RBFOX1: variants seen among roughly 807,000 people sequenced by gnomAD.
RBFOX1 encodes the protein RNA binding fox-1 homolog 1.
Under a neutral mutation model 57.7 loss-of-function variants are expected in RBFOX1, and 8 were observed. The ratio of observed to expected loss-of-function variants is 0.14; its 90% confidence interval spans 0.08 to 0.25. The LOEUF (loss-of-function observed/expected upper bound fraction) is 0.25. Ranked by LOEUF, RBFOX1 falls within the 10% of genes least tolerant of loss-of-function variation. The probability of loss-of-function intolerance (pLI) is 1.00; values close to 1 mark genes in which losing one functional copy is unlikely to be tolerated. For missense variants in RBFOX1, 611 were observed against 548.5 expected (o/e 1.11, Z -1.14); for synonymous variants, 326 against 222.4 (o/e 1.47, Z -4.15).
rs984561974 is a variant in RBFOX1 at position 5,780,277 on chromosome 16, C to G, written c.319-87026C>G. Among the ~76,000 whole-genome samples, 5 of 152,364 alleles carry G rather than the reference C, an allele frequency of 3.3e-5. No individual in the cohort carries two copies. The South Asian group carries it at 6.2e-4, about 19-fold the overall frequency. On this transcript the variant is annotated intron_variant, in intron 3 of 19. Transcript: ENST00000641259. ...TCTGCCTCCCAAAGTGTTCGGATTACAGGCGTGTGCCATTGCACCCAGCCT... is the reference window on the plus strand; with the variant it reads ...TCTGCCTCCCAAAGTGTTCGGATTAGAGGCGTGTGCCATTGCACCCAGCCT...
intron 3 of RBFOX1, among the ~76,000 whole-genome samples, chr16:5,612,324 C>A (rs533550462): frequency 6.6e-6 from 1 of 151,944 alleles, no homozygotes; most frequent in East Asian, 2.0e-4. Flanking sequence ...TACTCATCCA[C>A]CTATCCACCA....
At chr16:5,927,076 A>G (rs1027018572) in intron 4 of RBFOX1, among the ~76,000 whole-genome samples, 2 of 152,160 alleles carry the variant, frequency 1.3e-5, no homozygotes, top group African/African-American at 2.4e-5. Context: ...ATATTTTTAT[A>G]CCCTAGCTCT....
At chr16:5,662,795 C>T (rs2049700055) in intron 3 of RBFOX1, among the ~76,000 whole-genome samples, 3 of 152,214 alleles carry the variant, frequency 2.0e-5, no homozygotes, top group South Asian at 4.1e-4. Flanking sequence ...GTTTAGTCCC[C>T]TCCACTTCTA....
At chr16:7,474,133 A>G (rs904451956) in intron 4 of RBFOX1, among the ~76,000 whole-genome samples, 55 of 152,174 alleles carry the variant, frequency 3.6e-4, no homozygotes, top group African/African-American at 1.2e-3. Context: ...CTAAAAATAC[A>G]AAAATTAGCC....
At chr16:5,820,426 G>A (rs898409051) in intron 3 of RBFOX1, among the ~76,000 whole-genome samples, 3 of 152,142 alleles carry the variant, frequency 2.0e-5, no homozygotes, top group Non-Finnish European at 2.9e-5. Flanking sequence ...CGGTGACCCC[G>A]GCCACGTGGC....
At chr16:6,065,956 T>C (rs1413920355) in intron 1 of RBFOX1, among the ~76,000 whole-genome samples, 2 of 152,168 alleles carry the variant, frequency 1.3e-5, no homozygotes, top group African/African-American at 4.8e-5. Context: ...ATTTGGAAAG[T>C]GCGCTAAGCA....
chr16:6,132,848 A>C (rs1156417981), intron 1 of RBFOX1, among the ~76,000 whole-genome samples: 4 of 151,722 alleles, frequency 2.6e-5, no homozygotes, highest in African/African-American at 7.3e-5. Context: ...TTAGCTGGGC[A>C]TGGTGGCGCA....
chr16:6,009,957 C>G (rs917572008), intron 4 of RBFOX1, among the ~76,000 whole-genome samples: 1 of 152,120 alleles, frequency 6.6e-6, no homozygotes, highest in Non-Finnish European at 1.5e-5. Flanking sequence ...ACATACACTG[C>G]AGTTGGACAG....
intron 2 of RBFOX1, among the ~76,000 whole-genome samples, chr16:6,462,968 C>T (rs1051041189): frequency 6.6e-6 from 1 of 152,130 alleles, no homozygotes; most frequent in African/African-American, 2.4e-5. Flanking sequence ...AAGCTGTTCA[C>T]CTTAGCTTGT....
intron 1 of RBFOX1, among the ~76,000 whole-genome samples, chr16:5,412,364 T>C (rs1030297367): frequency 1.3e-5 from 2 of 152,234 alleles, no homozygotes; most frequent in African/African-American, 4.8e-5. Context: ...CAACAAATAT[T>C]AGTTATTGTT....
At chr16:6,214,928 GGGAGAGGGAC>G (rs2097325085) in intron 1 of RBFOX1, among the ~76,000 whole-genome samples, 1 of 137,412 alleles carries the variant, frequency 7.3e-6, no homozygotes, top group Non-Finnish European at 1.6e-5. Flanking sequence ...GAGAGGGAGA[GGGAGAGGGAC>G]AGGGAGAGAG....
At chr16:6,910,350 C>G (rs970779132) in intron 3 of RBFOX1, among the ~76,000 whole-genome samples, 1 of 152,178 alleles carries the variant, frequency 6.6e-6, no homozygotes, top group Non-Finnish European at 1.5e-5. Flanking sequence ...CTCCCCGTCT[C>G]CACACCCATC....
At chr16:5,811,681 C>G (rs1043055975) in intron 3 of RBFOX1, among the ~76,000 whole-genome samples, 2 of 151,686 alleles carry the variant, frequency 1.3e-5, no homozygotes, top group Non-Finnish European at 2.9e-5. Context: ...CATCTCCTGA[C>G]TTCGTGGTCT....
chr16:6,724,135 C>T (rs940140511), intron 3 of RBFOX1, among the ~76,000 whole-genome samples: 1 of 151,826 alleles, frequency 6.6e-6, no homozygotes, highest in Non-Finnish European at 1.5e-5. Context: ...GGGATTAGTG[C>T]CATTATAAAA....
At chr16:6,283,384 C>T (rs566423091) in intron 1 of RBFOX1, among the ~76,000 whole-genome samples, 1 of 152,252 alleles carries the variant, frequency 6.6e-6, no homozygotes, top group South Asian at 2.1e-4. Context: ...CCATTCTTTC[C>T]TACTACAGTG....
chr16:6,244,626 C>T (rs1298221104), intron 1 of RBFOX1, among the ~76,000 whole-genome samples: 1 of 152,206 alleles, frequency 6.6e-6, no homozygotes, highest in African/African-American at 2.4e-5. Context: ...TCTCCTGCCT[C>T]AGCCTCCCGA....
chr16:7,241,252 C>G (rs951956734), intron 4 of RBFOX1, among the ~76,000 whole-genome samples: 3 of 152,134 alleles, frequency 2.0e-5, no homozygotes, highest in Non-Finnish European at 4.4e-5. Context: ...TAGCTGAATT[C>G]TGGCATCTCA....
rs144975205 is a variant in RBFOX1, at chr16:5,431,409, C to G, written c.220-35807C>G. On this transcript the variant is annotated intron_variant, in intron 1 of 2. Coordinates refer to the RBFOX1 transcript ENST00000585867. The stretch of plus-strand genomic sequence containing the variant: ...TTTATTTTTGAGATGGAGTCTCGCT[C>G]TGTTACCCAGGCTGGAGTGCAGTGG... Among the ~76,000 whole-genome samples, 731 of 152,260 alleles carry G rather than the reference C, an allele frequency of 4.8e-3. 2 individuals carry two copies. The highest frequency in any genetic ancestry group is 8.4e-3 in the Non-Finnish European group (570 of 68,034).
intron 3 of RBFOX1, among the ~76,000 whole-genome samples, chr16:5,780,434 G>A (rs555661177): frequency 6.6e-6 from 1 of 152,078 alleles, no homozygotes; most frequent in East Asian, 1.9e-4. Context: ...TATGTGGTTG[G>A]CATGTACCAT....
Sources: gnomAD v4.1 joint callset for allele counts (sites outside exome capture counted in the v4.1 genomes callset) on GRCh38, gnomAD v4.1.1 for gene constraint, MANE v1.5 for transcripts, NCBI Gene and HGNC (gene_info 2026-07-23, HGNC 2026-07-21) for gene names.